MDN1: variants seen among roughly 807,000 people sequenced by gnomAD.
MDN1 encodes midasin AAA ATPase 1.
Under a neutral mutation model 669.2 loss-of-function variants are expected in MDN1, and 266 were observed. The observed-to-expected ratio is 0.40, with a 90% CI of 0.36 to 0.44. MDN1 has a LOEUF of 0.44. MDN1 is among the 20% of genes least tolerant of loss of function. The probability of loss-of-function intolerance (pLI) is 1.00; values close to 1 mark genes in which losing one functional copy is unlikely to be tolerated. For missense variants in MDN1, 5,940 were observed against 6,754.0 expected (o/e 0.88, Z 4.22); for synonymous variants, 2,385 against 2,457.1 (o/e 0.97, Z 0.87).
chr6:89,795,852 C>T (rs1386342727), intron 2 of MDN1, among the ~76,000 whole-genome samples: 3 of 151,516 alleles, frequency 2.0e-5, no homozygotes, highest in African/African-American at 4.9e-5. Flanking sequence ...CTATTCGGGA[C>T]GTCGAGGCGG....
chr6:89,667,871 G>T, intron 84 of MDN1, 143 bp downstream of exon 84: 1 of 912,388 alleles, frequency 1.1e-6, no homozygotes. Flanking sequence ...TACACCCACT[G>T]CCGAAGCACC....
intron 15 of MDN1, among the ~76,000 whole-genome samples, chr6:89,768,740 C>T (rs148433694): frequency 2.6e-5 from 4 of 151,472 alleles, no homozygotes; most frequent in African/African-American, 4.9e-5. Context: ...CTGTCCCCCC[C>T]CAAAAAAAGA....
chr6:89,771,773 A>G (rs979321003), intron 14 of MDN1, 152 bp from the exon 15 acceptor site: 31 of 641,476 alleles, frequency 4.8e-5, no homozygotes, highest in African/African-American at 7.5e-5. Context: ...CAGTGGCCCA[A>G]TCATGGCTCA....
Position 89,688,757 on chromosome 6 carries a change from AG to A in MDN1, c.11074del (p.Leu3692SerfsTer14). On this transcript the variant is annotated frameshift_variant, in exon 66 of 102. Coordinates refer to ENST00000369393, the MANE Select transcript of MDN1 (RefSeq NM_014611.3). LOFTEE classifies it high-confidence loss of function. ...LLGSQLLACTLSHNTLFGEAP... is the reference protein window; with the variant it reads ...LLGSQLLACTXSHNTLFGEAP... ...CTCCCCAAAAAGAGTGTTATGGGAG[AG>A]GGTACAGGCCAAAAGTTGGCTGCCC... 1.2e-6 allele frequency: 2 copies of A among 1,614,158 alleles called. No homozygotes were observed. The highest frequency in any genetic ancestry group is 1.7e-6 in the Non-Finnish European group (2 of 1,180,014).
intron 32 of MDN1, 27 bp from the exon 33 acceptor site, chr6:89,738,482 G>GTTCCTTAC: frequency 6.2e-7 from 1 of 1,611,816 alleles, no homozygotes; most frequent in Non-Finnish European, 8.5e-7. Context: ...ACTTCAATGT[G>GTTCCTTAC]AATTTTTAAA....
intron 15 of MDN1, 78 bp from the exon 16 acceptor site, chr6:89,762,608 G>A (rs2128321016): frequency 2.9e-6 from 3 of 1,018,990 alleles, no homozygotes; most frequent in East Asian, 4.9e-5. Context: ...CAGAAAACAG[G>A]AGTAGGTCTC....
At position 89,700,100 on chromosome 6, in the gene MDN1, C is replaced by T. The variant is rs768790536; in HGVS notation, c.8833G>A (p.Val2945Met). 8.7e-6 allele frequency: 14 copies of T among 1,614,178 alleles called. No homozygotes were observed. Among genetic ancestry groups the T allele is most frequent in the Non-Finnish European group, 1.2e-5 (14 of 1,180,028 alleles). The change falls in exon 57 of 102, where the codon GTG (valine) becomes ATG (methionine). Residue 2945 changes from valine (V) to methionine (M), a missense_variant. Physicochemically the swap from Val to Met is conservative, Grantham distance 21. This residue lies in a region of MDN1 where 2,292 missense variants were observed against 2,638.3 expected (regional missense o/e 0.87). Transcript: ENST00000369393. ...EYLAMLWRYKVTADFMAQACL... is the reference protein window; with the variant it reads ...EYLAMLWRYKMTADFMAQACL... ...GCTTGTGCCATAAAATCAGCTGTCA[C>T]TTTGTACCGCCAAAGCATAGCCAGG...
chr6:89,769,109 A>C (rs1817958121), intron 15 of MDN1, among the ~76,000 whole-genome samples: 1 of 152,178 alleles, frequency 6.6e-6, no homozygotes, highest in South Asian at 2.1e-4. Context: ...AACATACTGG[A>C]CACATGCAAA....
At position 89,700,907 on chromosome 6, in the gene MDN1, T is replaced by C. The variant is rs112976758; in HGVS notation, c.8428-51A>G. 2.5e-5 allele frequency: 37 copies of C among 1,495,682 alleles called. No homozygotes were observed. In the African/African-American group the frequency reaches 3.5e-4, roughly 14 times the overall value. 92.7% of individuals were successfully genotyped at this position (1,495,682 alleles called of 1,614,324 possible). On this transcript the variant is annotated intron_variant, in intron 55 of 101. Transcript: ENST00000369393. The stretch of plus-strand genomic sequence containing the variant: ...ATACTATAGAGCACAAATGTGGTTT[T>C]CTTTAGTAGCCTATACAGGTCTCAG...
chr6:89,782,922 A>G (rs1319671991), intron 9 of MDN1, among the ~76,000 whole-genome samples: 7 of 152,176 alleles, frequency 4.6e-5, no homozygotes, highest in Admixed American at 4.6e-4. Flanking sequence ...TACTTTTATA[A>G]TTTCTTATGC....
chr6:89,816,720 G>A (rs1768865262), intron 1 of MDN1, among the ~76,000 whole-genome samples: 1 of 123,774 alleles, frequency 8.1e-6, no homozygotes, highest in Non-Finnish European at 1.6e-5. Flanking sequence ...TGTCACCCAC[G>A]CTGGAGTGCA....
intron 37 of MDN1, 98 bp downstream of exon 37, chr6:89,727,735 C>G (rs1334151773): frequency 7.0e-5 from 111 of 1,575,574 alleles, no homozygotes; most frequent in Non-Finnish European, 9.5e-5. Flanking sequence ...TCAGCGGGAT[C>G]TTCCACTGAG....
intron 61 of MDN1, among the ~76,000 whole-genome samples, chr6:89,694,544 T>C (rs2128308534): frequency 6.6e-6 from 1 of 152,292 alleles, no homozygotes; most frequent in Admixed American, 6.5e-5. Context: ...ATTACCCAAA[T>C]CAACTTGACT....
intron 70 of MDN1, 66 bp from the exon 71 acceptor site, chr6:89,685,051 G>T: frequency 9.3e-7 from 1 of 1,073,998 alleles, no homozygotes; most frequent in Non-Finnish European, 1.4e-6. Flanking sequence ...GCCAGCTGTG[G>T]CCTTCATATT....
At chr6:89,714,824 G>A in intron 45 of MDN1, 73 bp from the exon 46 acceptor site, 1 of 1,227,978 alleles carries the variant, frequency 8.1e-7, no homozygotes. Context: ...CTCAGCATCA[G>A]TCAGTGAGGG....
chr6:89,703,109 G>C (rs185116511), intron 53 of MDN1, among the ~76,000 whole-genome samples: 7 of 152,064 alleles, frequency 4.6e-5, no homozygotes, highest in Admixed American at 3.9e-4. Context: ...TAATTGTTTT[G>C]TATTTTTAGT....
chr6:89,738,996 C>A (rs919635617), intron 32 of MDN1, among the ~76,000 whole-genome samples: 8 of 152,234 alleles, frequency 5.3e-5, no homozygotes, highest in African/African-American at 1.9e-4. Flanking sequence ...CTTTTCCCAC[C>A]ACAAGGTCAG....
At chr6:89,711,987 T>C in intron 49 of MDN1, 49 bp downstream of exon 49, 1 of 1,475,734 alleles carries the variant, frequency 6.8e-7, no homozygotes, top group Non-Finnish European at 9.3e-7. Context: ...TTAAATAGCA[T>C]AAGTGTATAT....
chr6:89,665,913 G>A (rs770457742), intron 84 of MDN1, among the ~76,000 whole-genome samples: 4 of 152,066 alleles, frequency 2.6e-5, no homozygotes, highest in Admixed American at 6.5e-5. Context: ...TGTGGCGTGC[G>A]CCTGTAATCC....
Sources: allele counts gnomAD v4.1 joint callset (sites outside exome capture counted in the v4.1 genomes callset), GRCh38; gene constraint gnomAD v4.1.1; regional missense constraint gnomAD v4.1.1; transcripts MANE v1.5; gene names NCBI Gene and HGNC (gene_info 2026-07-23, HGNC 2026-07-21).